FAM222B: variants seen among roughly 807,000 people sequenced by gnomAD.
FAM222B encodes protein FAM222B.
Under a neutral mutation model 38.0 loss-of-function variants are expected in FAM222B, and 12 were observed. The ratio of observed to expected loss-of-function variants is 0.32; its 90% CI spans 0.20 to 0.51. The LOEUF (loss-of-function observed/expected upper bound fraction) is 0.51. Ranked by LOEUF, FAM222B falls within the 20% of genes least tolerant of loss-of-function variation. The probability of loss-of-function intolerance (pLI) is 0.97; values close to 1 mark genes in which losing one functional copy is unlikely to be tolerated. For synonymous variants in FAM222B, 329 were observed against 317.2 expected, an observed-to-expected ratio of 1.04 and a Z score of -0.40; for missense variants, 716 against 754.2, an observed-to-expected ratio of 0.95 and a Z score of 0.59.
intron 1 of FAM222B, among the ~76,000 whole-genome samples, chr17:28,779,283 C>A (rs1413093773): frequency 6.6e-6 from 1 of 152,092 alleles, no homozygotes; most frequent in African/African-American, 2.4e-5. Flanking sequence ...AAATCCTCAA[C>A]AAAATACTAA....
intron 1 of FAM222B, among the ~76,000 whole-genome samples, chr17:28,850,775 G>A (rs183810506): frequency 6.5e-4 from 99 of 152,230 alleles, no homozygotes; most frequent in African/African-American, 2.3e-3. Context: ...CTTCTCGTGT[G>A]CAGTGTCTGA....
intron 1 of FAM222B, among the ~76,000 whole-genome samples, chr17:28,831,927 C>T (rs1022853323): frequency 2.6e-5 from 4 of 152,148 alleles, no homozygotes; most frequent in Non-Finnish European, 2.9e-5. Flanking sequence ...CAGTGGCTCA[C>T]GCCTGTAATC....
At chr17:28,795,559 C>T (rs868441574) in intron 1 of FAM222B, among the ~76,000 whole-genome samples, 8 of 152,208 alleles carry the variant, frequency 5.3e-5, no homozygotes, top group Non-Finnish European at 7.3e-5. Flanking sequence ...TCCTGGGCAT[C>T]TGGGACTACA....
chr17:28,777,537 A>G (rs1250294848), intron 1 of FAM222B, among the ~76,000 whole-genome samples: 2 of 152,146 alleles, frequency 1.3e-5, no homozygotes, highest in African/African-American at 4.8e-5. Flanking sequence ...CCTTCCTAAG[A>G]CCACAGCCTG....
intron 1 of FAM222B, among the ~76,000 whole-genome samples, chr17:28,829,759 A>T (rs2038593169): frequency 6.6e-6 from 1 of 152,196 alleles, no homozygotes; most frequent in African/African-American, 2.4e-5. Context: ...GGTGACTATA[A>T]ATAAAGCTGC....
At chr17:28,846,426 A>G (rs1466718439), upstream of FAM222B, among the ~76,000 whole-genome samples, 1 of 152,066 alleles carries the variant, frequency 6.6e-6, no homozygotes, top group African/African-American at 2.4e-5. Context: ...TCACGCCTGT[A>G]ATGTCATCAC....
chr17:28,801,571 T>C (rs1341801993), intron 1 of FAM222B, among the ~76,000 whole-genome samples: 2 of 148,952 alleles, frequency 1.3e-5, no homozygotes, highest in Non-Finnish European at 3.0e-5. Flanking sequence ...AGGCTGGGCA[T>C]GGTGGCTCAC....
intron 1 of FAM222B, among the ~76,000 whole-genome samples, chr17:28,786,721 G>C (rs1466650794): frequency 2.0e-5 from 3 of 152,006 alleles, no homozygotes; most frequent in Non-Finnish European, 4.4e-5. Flanking sequence ...TTTCACATGT[G>C]TACTTGGCCA....
rs1555569659 is a variant in FAM222B at position 28,759,980 on chromosome 17, T to TGGGGA, written c.83-109_83-105dup. 1 of 1,151,960 alleles carries TGGGGA rather than the reference T, an allele frequency of 8.7e-7. No individual in the cohort carries two copies. The highest frequency in any genetic ancestry group is 1.2e-6 in the Non-Finnish European group (1 of 828,748). 71.4% of individuals were successfully genotyped at this position (1,151,960 alleles called of 1,614,324 possible). A position where few individuals can be genotyped will look rare whatever the true frequency, so the allele number is the denominator to read the frequency against. On this transcript the variant is annotated intron_variant, in intron 2 of 2. Coordinates refer to ENST00000581407, the MANE Select transcript of FAM222B (RefSeq NM_001077498.3). This position sits in a 1 kb window ranked among gnomAD's most constrained non-coding sequence, Gnocchi z 4.8. ...CCCCTTTTGAGGGCCTGGGGTGGGG[T>TGGGGA]GGGGAAATGACTAGATTGTCATCTG...
chr17:28,765,587 G>T (rs1476632841), intron 2 of FAM222B, among the ~76,000 whole-genome samples: 2 of 152,120 alleles, frequency 1.3e-5, no homozygotes, highest in Non-Finnish European at 2.9e-5. Context: ...TCCAAATTTA[G>T]GGCTGTTTTT....
At chr17:28,775,215 G>C (rs1178318698) in intron 1 of FAM222B, among the ~76,000 whole-genome samples, 5 of 151,366 alleles carry the variant, frequency 3.3e-5, no homozygotes, top group Non-Finnish European at 5.9e-5. Context: ...TGGCCAGGCT[G>C]GTCTCCAACT....
At chr17:28,840,683 A>C (rs1004112529) in intron 1 of FAM222B, among the ~76,000 whole-genome samples, 1 of 151,976 alleles carries the variant, frequency 6.6e-6, no homozygotes, top group East Asian at 2.0e-4. Flanking sequence ...TGGGCCAAGC[A>C]CGGTGGTTCA....
chr17:28,758,325 G>T lies in FAM222B; in HGVS notation c.1634C>A (p.Ala545Asp). The change falls in exon 3 of 3, where the codon GCC (alanine) becomes GAC (aspartate). Residue 545 changes from alanine to aspartate, a missense_variant. Physicochemically the swap from Ala to Asp is moderately radical, Grantham distance 126. Transcript: ENST00000581407. The stretch of plus-strand genomic sequence containing the variant: ...ACTTCGACTCTCTGTGGGATCGGGG[G>T]CTCGGTTGCCAGGGGCTCGGTGGGC... ...SKAHRAPGNR[A>D]PDPTESRSLH... The T allele has an allele frequency of 6.2e-7, 1 of 1,610,398 alleles. No individual in the cohort carries two copies. The highest frequency in any genetic ancestry group is 1.1e-5 in the South Asian group (1 of 90,692).
Position 28,758,871 on chromosome 17 carries a change from A to C in FAM222B, c.1088T>G (p.Val363Gly), listed in dbSNP as rs935445485. The C allele has an allele frequency of 1.2e-6, 2 of 1,607,016 alleles. No homozygotes were observed. Among genetic ancestry groups the C allele is most frequent in the Non-Finnish European group, 1.7e-6 (2 of 1,177,466 alleles). Residue 363 changes from valine to glycine, a missense_variant, in exon 3 of 3, where the codon GTC becomes GGC. Val to Gly is a moderately radical substitution (Grantham distance 109). Transcript: ENST00000581407. ...PTGYPSDLKP[V>G]TWNQHQLAHL... Reference sequence around the variant, plus strand: ...GGCCAGCTGGTGCTGGTTCCAGGTGACTGGCTTGAGGTCGCTAGGGTAGCC... The same window carrying C: ...GGCCAGCTGGTGCTGGTTCCAGGTGCCTGGCTTGAGGTCGCTAGGGTAGCC...
At chr17:28,845,386 C>T (rs2039138250), upstream of FAM222B, among the ~76,000 whole-genome samples, 3 of 147,274 alleles carry the variant, frequency 2.0e-5, no homozygotes, top group Admixed American at 2.0e-4. Flanking sequence ...GGGGACAGAG[C>T]GAGACTCCAT....
chr17:28,808,654 A>C (rs1417358090), intron 1 of FAM222B, among the ~76,000 whole-genome samples: 1 of 152,230 alleles, frequency 6.6e-6, no homozygotes, highest in Non-Finnish European at 1.5e-5. Context: ...TTCAGCTTCC[A>C]AGAGTCAAAC....
At chr17:28,772,870 C>T (rs1192717372) in intron 1 of FAM222B, among the ~76,000 whole-genome samples, 2 of 151,836 alleles carry the variant, frequency 1.3e-5, no homozygotes, top group Non-Finnish European at 2.9e-5. Context: ...ACTCCAGCCT[C>T]GGCGACAGAG....
At chr17:28,768,838 A>G (rs1312376408) in intron 1 of FAM222B, among the ~76,000 whole-genome samples, 217 of 35,578 alleles carry the variant, frequency 6.1e-3, no homozygotes, top group African/African-American at 0.022. Flanking sequence ...CTCTGTCTCA[A>G]AAAAAAAAAA....
intron 1 of FAM222B, among the ~76,000 whole-genome samples, chr17:28,822,832 A>AATATATATATATATATAT (rs1254235399): frequency 4.7e-5 from 2 of 42,796 alleles, no homozygotes; most frequent in Non-Finnish European, 7.6e-5. Context: ...AAAAAAAAAA[A>AATATATATATATATATAT]ATATATATAT....
Sources: gnomAD v4.1 joint callset for allele counts (sites outside exome capture counted in the v4.1 genomes callset) on GRCh38, gnomAD v4.1.1 for gene constraint, Gnocchi (gnomAD v3.1) non-coding constraint, MANE v1.5 for transcripts, NCBI Gene and HGNC (gene_info 2026-07-23, HGNC 2026-07-21) for gene names.